Variants in CBLN2 observed in about 807,000 individuals in gnomAD.
CBLN2 encodes the protein cerebellin-2.
Under a neutral mutation model 15.0 loss-of-function variants are expected in CBLN2, and 7 were observed. The ratio of observed to expected loss-of-function variants is 0.47; its 90% CI spans 0.27 to 0.88. The LOEUF is 0.88. CBLN2 is among the 40% of genes least tolerant of loss of function. CBLN2 has a pLI of 0.14. For synonymous variants in CBLN2, 149 were observed against 135.2 expected, an observed-to-expected ratio of 1.10 and a Z score of -0.71; for missense variants, 242 against 304.5, an observed-to-expected ratio of 0.79 and a Z score of 1.53.
At chr18:72,600,327 G>A (rs1193340868) in intron 1 of CBLN2, among the ~76,000 whole-genome samples, 3 of 152,140 alleles carry the variant, frequency 2.0e-5, no homozygotes, top group Non-Finnish European at 4.4e-5. Flanking sequence ...GGAAGAGGAA[G>A]TAGTTTCTGT....
At chr18:72,632,065 G>T (rs1051082556) in intron 1 of CBLN2, among the ~76,000 whole-genome samples, 11 of 151,800 alleles carry the variant, frequency 7.2e-5, no homozygotes, top group African/African-American at 2.7e-4. Context: ...TATTATAAAT[G>T]AAAACAATCA....
rs1034002785 is a variant in CBLN2 at position 72,557,586 on chromosome 18, G to A, written c.16-18814C>T. Among the ~76,000 whole-genome samples, 3 of 152,320 alleles carry A rather than the reference G, an allele frequency of 2.0e-5. No homozygotes were observed. In the East Asian group the frequency reaches 5.8e-4, roughly 29 times the overall value. ...ATACTATGCAGCCATAAAACAGTAT[G>A]AGATCACGTCCTTTGAAAGCACATG... On this transcript the variant is annotated intron_variant, in intron 1 of 2. Transcript: ENST00000581073.
chr18:72,608,741 G>T (rs2069601243), intron 1 of CBLN2, among the ~76,000 whole-genome samples: 1 of 152,186 alleles, frequency 6.6e-6, no homozygotes, highest in Non-Finnish European at 1.5e-5. Flanking sequence ...CAGTATATTA[G>T]TCTGTTCTTA....
intron 1 of CBLN2, among the ~76,000 whole-genome samples, chr18:72,637,866 T>C (rs2069824309): frequency 6.6e-6 from 1 of 152,034 alleles, no homozygotes; most frequent in African/African-American, 2.4e-5. Flanking sequence ...ATGGAAACAA[T>C]CAACGGGGCA....
chr18:72,543,703 C>G lies in CBLN2; in HGVS notation c.-211-173G>C, dbSNP rs72634432. On this transcript the variant is annotated intron_variant, in intron 1 of 4. Transcript: ENST00000269503. The surrounding 1 kb of genome is among the most constrained non-coding windows in gnomAD (Gnocchi z 6.8). ...CGCGCGCCCGCTTAGGCGCCGCGCC[C>G]GGGACCGGGAACCCCGCGTCTCGCC... is the stretch of plus-strand genomic sequence containing the variant. 24,972 of 343,416 alleles carry G rather than the reference C, an allele frequency of 0.073. 3,469 individuals are homozygous for G. The highest frequency in any genetic ancestry group is 0.51 in the East Asian group (11,729 of 22,904). The allele number at this position is 343,416 out of a possible 1,614,324, so 21.3% of individuals were successfully genotyped here. A position where few individuals can be genotyped will look rare whatever the true frequency, so the allele number is the denominator to read the frequency against.
upstream of CBLN2, among the ~76,000 whole-genome samples, chr18:72,545,996 T>C (rs1173215149): frequency 6.6e-6 from 1 of 152,238 alleles, no homozygotes; most frequent in Non-Finnish European, 1.5e-5. Flanking sequence ...GACTAAGTTA[T>C]TGAAAAAAGC....
intron 1 of CBLN2, chr18:72,618,956 G>C: frequency 1.3e-6 from 1 of 750,668 alleles, no homozygotes; most frequent in South Asian, 1.3e-5. Flanking sequence ...TTTGGTGGCA[G>C]CCATGGTGAT....
chr18:72,577,359 C>T (rs1239607212), intron 1 of CBLN2, among the ~76,000 whole-genome samples: 3 of 152,058 alleles, frequency 2.0e-5, no homozygotes, highest in Non-Finnish European at 2.9e-5. Context: ...GAAACTTTCT[C>T]ACAAGTGTAT....
chr18:72,579,796 T>G (rs533170537), intron 1 of CBLN2, among the ~76,000 whole-genome samples: 2 of 151,834 alleles, frequency 1.3e-5, no homozygotes, highest in Non-Finnish European at 2.9e-5. Context: ...AAAAAATAAG[T>G]CTACTCAATT....
chr18:72,570,412 A>AT (rs200559874), intron 1 of CBLN2, among the ~76,000 whole-genome samples: 21,594 of 128,186 alleles, frequency 0.17, 1,875 homozygotes, highest in Admixed American at 0.28. Context: ...TAATTTTTGT[A>AT]TTTTTTTTTT....
chr18:72,602,183 G>C (rs1451045839), intron 1 of CBLN2, among the ~76,000 whole-genome samples: 1 of 152,150 alleles, frequency 6.6e-6, no homozygotes, highest in Non-Finnish European at 1.5e-5. Flanking sequence ...ATGTTGGTTC[G>C]ATTCTTGTGG....
chr18:72,592,503 C>A (rs1274562052), intron 1 of CBLN2, among the ~76,000 whole-genome samples: 1 of 151,986 alleles, frequency 6.6e-6, no homozygotes, highest in East Asian at 1.9e-4. Flanking sequence ...TTGATGTGAT[C>A]TCATTTGTCC....
rs755512890 is a variant in CBLN2 at position 72,538,347 on chromosome 18, T to C, written c.504A>G (p.Pro168=). 1.9e-6 allele frequency: 3 copies of C among 1,614,190 alleles called. No individual in the cohort carries two copies. The South Asian group carries it at 3.3e-5, about 18-fold the overall frequency. The stretch of plus-strand genomic sequence containing the variant: ...GGTCTCCTGCAAAGGCCGAGATCAC[T>C]GGGTAGCCATTCTGCATTAAACTGA... ...IQVSLMQNGY[P]VISAFAGDQD... The change falls in exon 5 of 5, where the codon CCA becomes CCG. Residue 168 remains proline, a synonymous_variant. Transcript: ENST00000269503.
chr18:72,615,161 A>AT, intron 1 of CBLN2, among the ~76,000 whole-genome samples: 2 of 130,630 alleles, frequency 1.5e-5, no homozygotes, highest in Non-Finnish European at 3.3e-5. Flanking sequence ...TATAGAAAAT[A>AT]TATATAAATA....
At chr18:72,605,451 T>C (rs891140594) in intron 1 of CBLN2, among the ~76,000 whole-genome samples, 10 of 152,222 alleles carry the variant, frequency 6.6e-5, no homozygotes, top group Non-Finnish European at 1.2e-4. Context: ...TTATAATAGA[T>C]GCAAGGGGAT....
chr18:72,559,049 C>A, intron 1 of CBLN2, among the ~76,000 whole-genome samples: 1 of 152,252 alleles, frequency 6.6e-6, no homozygotes, highest in Non-Finnish European at 1.5e-5. Context: ...GAGTGAGACC[C>A]TGTCTCAATT....
At position 72,552,991 on chromosome 18, in the gene CBLN2, C is replaced by T. The variant is rs2069200698; in HGVS notation, c.16-14219G>A. 2.0e-5 allele frequency among the ~76,000 whole-genome samples: 3 copies of T among 152,200 alleles called. No individual in the cohort carries two copies. The South Asian group carries it at 6.2e-4, about 31-fold the overall frequency. ...CTCTGTATTTTTAAATTTTCCACCA[C>T]ATGGATGCCTTACTTTGGAAATATT... is the stretch of plus-strand genomic sequence containing the variant. On this transcript the variant is annotated intron_variant, in intron 1 of 2. Transcript: ENST00000581073.
At chr18:72,559,742 A>G (rs949716514) in intron 1 of CBLN2, among the ~76,000 whole-genome samples, 1 of 152,210 alleles carries the variant, frequency 6.6e-6, no homozygotes, top group Non-Finnish European at 1.5e-5. Flanking sequence ...TGACATGGAC[A>G]CAGATGACAT....
intron 1 of CBLN2, among the ~76,000 whole-genome samples, chr18:72,552,127 GCT>G (rs2069195395): frequency 6.8e-6 from 1 of 146,654 alleles, no homozygotes. Context: ...ACAGACTTTC[GCT>G]CTTTTTGCCC....
Sources: gnomAD v4.1 joint callset for allele counts (sites outside exome capture counted in the v4.1 genomes callset) on GRCh38, gnomAD v4.1.1 for gene constraint, Gnocchi (gnomAD v3.1) non-coding constraint, MANE v1.5 for transcripts, NCBI Gene and HGNC (gene_info 2026-07-23, HGNC 2026-07-21) for gene names.